ADCY8: variants seen among roughly 807,000 people sequenced by gnomAD.
The protein encoded by ADCY8 is adenylate cyclase type 8.
Under a neutral mutation model 119.7 loss-of-function variants are expected in ADCY8, and 51 were observed. The ratio of observed to expected loss-of-function variants is 0.43; its 90% confidence interval spans 0.34 to 0.54. The LOEUF is 0.54. ADCY8 is among the 20% of genes least tolerant of loss of function. ADCY8 has a pLI of 0.03. For missense variants in ADCY8, 1,383 were observed against 1,598.8 expected, an observed-to-expected ratio of 0.87 and a Z score of 2.30; for synonymous variants, 665 against 651.0, an observed-to-expected ratio of 1.02 and a Z score of -0.33.
intron 17 of ADCY8, among the ~76,000 whole-genome samples, chr8:130,782,658 A>C (rs951936232): frequency 1.3e-5 from 2 of 152,258 alleles, no homozygotes; most frequent in African/African-American, 4.8e-5. Flanking sequence ...ACAATTTCAG[A>C]AATGACATTG....
chr8:130,985,193 C>T (rs958588980), intron 2 of ADCY8, among the ~76,000 whole-genome samples: 10 of 151,882 alleles, frequency 6.6e-5, no homozygotes, highest in African/African-American at 2.2e-4. Flanking sequence ...ATCAAGGATA[C>T]GAGGAGGCAA....
chr8:131,006,343 C>G (rs1352584575), intron 1 of ADCY8, among the ~76,000 whole-genome samples: 2 of 152,212 alleles, frequency 1.3e-5, no homozygotes, highest in Admixed American at 6.5e-5. Context: ...TCTGTAGGAG[C>G]CGCTGGGAGA....
intron 6 of ADCY8, among the ~76,000 whole-genome samples, chr8:130,907,542 T>G (rs889144396): frequency 6.6e-6 from 1 of 152,134 alleles, no homozygotes; most frequent in African/African-American, 2.4e-5. Context: ...AGGCGGATAA[T>G]GTTTTCAGTC....
At chr8:130,884,787 A>G (rs756143215) in intron 7 of ADCY8, 26 bp from the exon 8 acceptor site, 45 of 1,605,582 alleles carry the variant, frequency 2.8e-5, no homozygotes, top group Middle Eastern at 1.6e-4. Context: ...ATGCAAACAC[A>G]ATAAACCTGC....
intron 5 of ADCY8, among the ~76,000 whole-genome samples, chr8:130,916,663 C>T (rs1400304728): frequency 6.6e-6 from 1 of 152,232 alleles, no homozygotes; most frequent in Non-Finnish European, 1.5e-5. Flanking sequence ...CCACCCAGGG[C>T]GGAAACCGCT....
At chr8:130,942,196 A>G (rs1179117487) in intron 4 of ADCY8, among the ~76,000 whole-genome samples, 1 of 152,142 alleles carries the variant, frequency 6.6e-6, no homozygotes, top group Non-Finnish European at 1.5e-5. Flanking sequence ...GGTTTCTTTC[A>G]CTTGGCATAC....
In ADCY8 at chr8:130,874,697, C is replaced by T. The variant is rs138504887; in HGVS notation, c.2110-6751G>A. On this transcript the variant is annotated intron_variant, in intron 8 of 17. Transcript: ENST00000286355. ...AGACCCTAGGTTGGTAATACATTTC[C>T]TAATGTTATGTCCTTCCTTGATAGC... Among the ~76,000 whole-genome samples the T allele has an allele frequency of 8.7e-4, 133 of 152,246 alleles. No individual in the cohort carries two copies. The East Asian group carries it at 0.022, about 26-fold the overall frequency.
At chr8:130,861,530 T>C (rs1415313379) in intron 9 of ADCY8, among the ~76,000 whole-genome samples, 1 of 152,222 alleles carries the variant, frequency 6.6e-6, no homozygotes, top group Non-Finnish European at 1.5e-5. Context: ...TATATTGACA[T>C]TGTATTCTGT....
Position 130,990,525 on chromosome 8 carries a change from C to T in ADCY8, c.978G>A (p.Val326=), listed in dbSNP as rs749772561. 2 of 1,614,122 alleles carry T rather than the reference C, an allele frequency of 1.2e-6. No homozygotes were observed. Among genetic ancestry groups the T allele is most frequent in the Admixed American group, 3.3e-5 (2 of 60,014 alleles). Residue 326 remains valine, a synonymous_variant, in exon 2 of 18, where the codon GTG becomes GTA. Transcript: ENST00000286355. The part of the protein sequence containing the change: ...ISINQVVAQA[V]LFMCMNTAGI... Reference sequence around the variant, plus strand: ...CAGCTGTGTTCATACACATGAATAGCACTGCCTGGGCCACAACCTAAAATA... The same window carrying T: ...CAGCTGTGTTCATACACATGAATAGTACTGCCTGGGCCACAACCTAAAATA...
chr8:130,837,750 C>A (rs1817033185), intron 11 of ADCY8, among the ~76,000 whole-genome samples: 1 of 152,142 alleles, frequency 6.6e-6, no homozygotes, highest in Non-Finnish European at 1.5e-5. Context: ...ATCAAAGGCC[C>A]ATTTTGTGGC....
At chr8:131,026,810 G>A (rs1000664860) in intron 1 of ADCY8, among the ~76,000 whole-genome samples, 1 of 152,150 alleles carries the variant, frequency 6.6e-6, no homozygotes, top group African/African-American at 2.4e-5. Flanking sequence ...CAAATGAAAT[G>A]TATTACCTGA....
At chr8:130,886,722 C>T (rs1288241590) in intron 7 of ADCY8, among the ~76,000 whole-genome samples, 1 of 152,092 alleles carries the variant, frequency 6.6e-6, no homozygotes, top group Non-Finnish European at 1.5e-5. Flanking sequence ...TCTGCTACAA[C>T]ATCTGAGCAC....
intron 5 of ADCY8, among the ~76,000 whole-genome samples, chr8:130,912,591 T>G (rs1820014973): frequency 6.6e-6 from 1 of 152,214 alleles, no homozygotes; most frequent in African/African-American, 2.4e-5. Flanking sequence ...ATCTTTGCAG[T>G]CTCTGTTCTT....
rs1819916656 is a variant in ADCY8, at chr8:130,909,748, C to T, written c.1600G>A (p.Val534Met). The change falls in exon 6 of 18, where the codon GTG becomes ATG. Residue 534 changes from valine (V) to methionine (M), a missense_variant. Coordinates refer to ENST00000286355, the MANE Select transcript of ADCY8 (RefSeq NM_001115.3). ...GATTCGAGTTTGTTTGCAATATCCACATCCCAAGACCAGACATCAAACTGC... is the reference window on the plus strand; with the variant it reads ...GATTCGAGTTTGTTTGCAATATCCATATCCCAAGACCAGACATCAAACTGC... ...KWQFDVWSWD[V>M]DIANKLESGG... is the part of the protein sequence containing the mutation. 1 of 1,614,156 alleles carries T rather than the reference C, an allele frequency of 6.2e-7. No homozygotes were observed. The highest frequency in any genetic ancestry group is 8.5e-7 in the Non-Finnish European group (1 of 1,180,028).
At chr8:130,908,423 C>T (rs1322849009) in intron 6 of ADCY8, among the ~76,000 whole-genome samples, 2 of 152,160 alleles carry the variant, frequency 1.3e-5, no homozygotes, top group Admixed American at 6.5e-5. Flanking sequence ...AATTCTAAAC[C>T]TGTCTGGCAA....
At position 130,780,881 on chromosome 8, in the gene ADCY8, G is replaced by C. The variant is rs769293936; in HGVS notation, c.3269-4C>G. On this transcript the variant is annotated splice_region_variant and splice_polypyrimidine_tract_variant and intron_variant, in intron 17 of 17. Transcript: ENST00000286355. ...ACCACTGAGCCGTGGCTGATGCCTG[G>C]GGGGTGAAGCAAAGGAGCAAGAAGT... 12 of 1,612,306 alleles carry C rather than the reference G, an allele frequency of 7.4e-6. No individual in the cohort carries two copies. Among genetic ancestry groups the C allele is most frequent in the Admixed American group, 3.3e-5 (2 of 59,986 alleles).
In ADCY8 at chr8:130,869,509, T is replaced by G. The variant is rs552778080; in HGVS notation, c.2110-1563A>C. Among the ~76,000 whole-genome samples, 242 of 96,252 alleles carry G rather than the reference T, an allele frequency of 2.5e-3. 2 individuals are homozygous for G. The highest frequency in any genetic ancestry group is 0.011 in the African/African-American group (237 of 21,160). The allele number at this position is 96,252 out of a possible 152,430, so 63.1% of individuals were successfully genotyped here. A position where few individuals can be genotyped will look rare whatever the true frequency, so the allele number is the denominator to read the frequency against. On this transcript the variant is annotated intron_variant, in intron 8 of 17. Transcript: ENST00000286355. ...TACTGTTTTTTTTTTATTTTGTTTA[T>G]TTTTTTTTGTTTTTTTGTTTTTTTT...
intron 1 of ADCY8, among the ~76,000 whole-genome samples, chr8:131,018,049 C>T (rs981413308): frequency 3.9e-5 from 6 of 152,062 alleles, no homozygotes; most frequent in Admixed American, 2.0e-4. Flanking sequence ...ATTAATGTTA[C>T]GGGTAATTGA....
At chr8:131,024,397 G>A (rs1404576657) in intron 1 of ADCY8, among the ~76,000 whole-genome samples, 2 of 152,182 alleles carry the variant, frequency 1.3e-5, no homozygotes, top group African/African-American at 2.4e-5. Context: ...TGTTATGGAT[G>A]CAGTGACTAA....
Sources: gnomAD v4.1 joint callset for allele counts (sites outside exome capture counted in the v4.1 genomes callset) on GRCh38, gnomAD v4.1.1 for gene constraint, MANE v1.5 for transcripts, NCBI Gene and HGNC (gene_info 2026-07-23, HGNC 2026-07-21) for gene names.